The following CD82 variants were observed in gnomAD, a reference collection of about 807,000 sequenced individuals.
CD82 encodes CD82 molecule.
CD82 carries 36 observed loss-of-function variants against 37.4 expected under a neutral mutation model. The observed-to-expected ratio is 0.96, with a 90% confidence interval of 0.74 to 1.27. The LOEUF (loss-of-function observed/expected upper bound fraction) is 1.27. Among genes scored for constraint, CD82 ranks in the 50% most tolerant of loss-of-function variants. The pLI is 0.00. For missense variants in CD82, 340 were observed against 347.0 expected, an observed-to-expected ratio of 0.98 and a Z score of 0.16; for synonymous variants, 158 against 137.4, an observed-to-expected ratio of 1.15 and a Z score of -1.05.
chr11:44,584,397 C>T (rs916024738), intron 1 of CD82, among the ~76,000 whole-genome samples: 16 of 152,190 alleles, frequency 1.1e-4, no homozygotes, highest in African/African-American at 3.9e-4. Context: ...AGCAGTTCTC[C>T]TGCCTTAGCC....
At chr11:44,592,170 G>A (rs7120721) in intron 2 of CD82, among the ~76,000 whole-genome samples, 36,618 of 152,100 alleles carry the variant, frequency 0.24, 5,217 homozygotes, top group East Asian at 0.53. Flanking sequence ...CCACCGTGAG[G>A]CTGAGCAGAG....
At chr11:44,591,207 T>C (rs1853140521) in intron 2 of CD82, among the ~76,000 whole-genome samples, 1 of 152,154 alleles carries the variant, frequency 6.6e-6, no homozygotes, top group Admixed American at 6.5e-5. Flanking sequence ...CTGCCTCCTG[T>C]GTGGGATGGA....
At chr11:44,587,815 C>T (rs79469638) in intron 2 of CD82, 5 of 347,646 alleles carry the variant, frequency 1.4e-5, no homozygotes, top group East Asian at 7.5e-5. Flanking sequence ...ACCTGCCCTG[C>T]GGGCAAGGAC....
Position 44,619,775 on chromosome 11 carries a change from A to C in CD82, c.*649A>C, listed in dbSNP as rs1470062545. Reference sequence around the variant, plus strand: ...AGAGACTCCGTCTCAAAAAAAAAAAAAAAAAAAAAAAAAATTGGGGAGGGA... The same window carrying C: ...AGAGACTCCGTCTCAAAAAAAAAAACAAAAAAAAAAAAAATTGGGGAGGGA... On this transcript the variant is annotated 3_prime_UTR_variant, in exon 10 of 10. Coordinates refer to ENST00000227155, the MANE Select transcript of CD82 (RefSeq NM_002231.4). 1.3e-5 allele frequency: 2 copies of C among 151,646 alleles called. No individual in the cohort carries two copies. Among genetic ancestry groups the C allele is most frequent in the African/African-American group, 4.9e-5 (2 of 41,236 alleles). The allele number at this position is 151,646 out of a possible 1,614,324, so 9.4% of individuals were successfully genotyped here.
At chr11:44,599,731 AC>A (rs1853279332) in intron 3 of CD82, among the ~76,000 whole-genome samples, 1 of 152,220 alleles carries the variant, frequency 6.6e-6, no homozygotes, top group Non-Finnish European at 1.5e-5. Flanking sequence ...TGTTGTTCAG[AC>A]CTGGGGATGA....
chr11:44,578,480 T>C (rs909326016), intron 1 of CD82, among the ~76,000 whole-genome samples: 1 of 152,066 alleles, frequency 6.6e-6, no homozygotes, highest in Non-Finnish European at 1.5e-5. Context: ...TACACCCCCC[T>C]TCCAGCTCCA....
intron 3 of CD82, among the ~76,000 whole-genome samples, chr11:44,595,909 A>AC (rs1000604574): frequency 3.1e-5 from 2 of 63,820 alleles, no homozygotes; most frequent in African/African-American, 1.7e-4. Flanking sequence ...GTTTCTCTAC[A>AC]AAAAAAAAAA....
At chr11:44,618,940 G>T in intron 9 of CD82, 109 bp from the exon 10 acceptor site, 1 of 1,032,634 alleles carries the variant, frequency 9.7e-7, no homozygotes, top group Middle Eastern at 2.0e-4. Flanking sequence ...GTGGTTGTGA[G>T]GCTCAAGTTG....
chr11:44,616,770 G>A (rs1255604876), intron 7 of CD82, among the ~76,000 whole-genome samples: 7 of 152,206 alleles, frequency 4.6e-5, no homozygotes, highest in African/African-American at 1.7e-4. Flanking sequence ...AGACACAGGC[G>A]GAGGTGGCGT....
rs199690042 is a variant in CD82, at chr11:44,619,031, C to G, written c.727-18C>G. 7 of 1,612,094 alleles carry G rather than the reference C, an allele frequency of 4.3e-6. No individual in the cohort carries two copies. In the South Asian group the frequency reaches 6.6e-5, roughly 15 times the overall value. On this transcript the variant is annotated intron_variant, in intron 9 of 9. Coordinates refer to ENST00000227155, the MANE Select transcript of CD82 (RefSeq NM_002231.4). ...CGGGACACCCAGCCTCCCTCTGACT[C>G]TCCGCCTCTCCCCACAGCTCCTGGG... is the stretch of plus-strand genomic sequence containing the variant.
chr11:44,572,231 A>G (rs1852823858), intron 1 of CD82, among the ~76,000 whole-genome samples: 1 of 152,216 alleles, frequency 6.6e-6, no homozygotes, highest in Admixed American at 6.5e-5. Flanking sequence ...GCTCCCCTAC[A>G]ACTCTACTCT....
At chr11:44,570,710 T>C (rs574178631) in intron 1 of CD82, among the ~76,000 whole-genome samples, 1 of 77,662 alleles carries the variant, frequency 1.3e-5, no homozygotes, top group East Asian at 2.2e-4. Context: ...TCTCTTCCGA[T>C]GCCTGGCCTT....
At chr11:44,576,692 G>A (rs750261068) in intron 1 of CD82, among the ~76,000 whole-genome samples, 1 of 152,332 alleles carries the variant, frequency 6.6e-6, no homozygotes, top group Non-Finnish European at 1.5e-5. Flanking sequence ...CCCAGTTTGG[G>A]ACATCTGAGT....
Position 44,618,381 on chromosome 11 carries a change from C to T in CD82, c.642+16C>T, listed in dbSNP as rs779350156. On this transcript the variant is annotated intron_variant, in intron 8 of 9. Transcript: ENST00000227155. ...GTACCAGGAGGTGTGCGGGGGGCTG[C>T]GGATCGGGGGCGGGGCTCCGAGGGC... 1.7e-4 allele frequency: 268 copies of T among 1,607,214 alleles called. No homozygotes were observed. In the Middle Eastern group the frequency reaches 1.8e-3, roughly 11 times the overall value.
At chr11:44,608,891 A>G (rs1168523577) in intron 6 of CD82, among the ~76,000 whole-genome samples, 4 of 152,256 alleles carry the variant, frequency 2.6e-5, no homozygotes, top group Non-Finnish European at 5.9e-5. Context: ...GCAGCACTTC[A>G]GAGATGAAGA....
At chr11:44,582,711 C>A (rs1852998373) in intron 1 of CD82, among the ~76,000 whole-genome samples, 1 of 152,140 alleles carries the variant, frequency 6.6e-6, no homozygotes. Context: ...GTTTTCAGGG[C>A]CTCTGGAATC....
chr11:44,592,105 T>C (rs1853153466), intron 2 of CD82, among the ~76,000 whole-genome samples: 1 of 152,168 alleles, frequency 6.6e-6, no homozygotes, highest in Non-Finnish European at 1.5e-5. Flanking sequence ...AGGCATGAGA[T>C]ACCGTGCCCG....
Position 44,619,352 on chromosome 11 carries a change from G to C in CD82, c.*226G>C. 1 of 552,808 alleles carries C rather than the reference G, an allele frequency of 1.8e-6. No individual in the cohort carries two copies. The highest frequency in any genetic ancestry group is 3.2e-6 in the Non-Finnish European group (1 of 308,786). 34.2% of individuals were successfully genotyped at this position (552,808 alleles called of 1,614,324 possible). On this transcript the variant is annotated 3_prime_UTR_variant, in exon 10 of 10. Coordinates refer to ENST00000227155, the MANE Select transcript of CD82 (RefSeq NM_002231.4). Reference sequence around the variant, plus strand: ...GGTTCCTCTGCTCACCGCCCATCAGGGTTCTCTTAGCAACTCAGAGAAAAA... The same window carrying C: ...GGTTCCTCTGCTCACCGCCCATCAGCGTTCTCTTAGCAACTCAGAGAAAAA...
At chr11:44,586,578 C>A (rs893785698) in intron 1 of CD82, among the ~76,000 whole-genome samples, 1 of 152,154 alleles carries the variant, frequency 6.6e-6, no homozygotes, top group Non-Finnish European at 1.5e-5. Context: ...ATCACTTAAG[C>A]CCAGGAGGTT....
Sources: gnomAD v4.1 joint callset for allele counts (sites outside exome capture counted in the v4.1 genomes callset) on GRCh38, gnomAD v4.1.1 for gene constraint, MANE v1.5 for transcripts, NCBI Gene and HGNC (gene_info 2026-07-23, HGNC 2026-07-21) for gene names.